Variants in SHB observed in about 807,000 individuals in gnomAD.
The protein encoded by SHB is SH2 domain-containing adapter protein B.
SHB carries 20 observed loss-of-function variants against 52.3 expected under a neutral mutation model. The observed-to-expected ratio is 0.38, with a 90% CI of 0.27 to 0.56. SHB has a LOEUF of 0.56. Ranked by LOEUF, SHB falls within the 20% of genes least tolerant of loss-of-function variation. The pLI is 0.71. For synonymous variants in SHB, 397 were observed against 316.5 expected (o/e 1.25, Z -2.70); for missense variants, 825 against 723.3 (o/e 1.14, Z -1.61).
chr9:37,987,930 C>T (rs1378929104), intron 2 of SHB, among the ~76,000 whole-genome samples: 1 of 152,096 alleles, frequency 6.6e-6, no homozygotes, highest in Non-Finnish European at 1.5e-5. Flanking sequence ...GGACCTTCCC[C>T]TCTACCTATA....
rs200170512 is a variant in SHB at position 38,068,388 on chromosome 9, C to T, written c.258G>A (p.Ala86=). Residue 86 remains alanine, a synonymous_variant, in exon 1 of 6, where the codon GCG becomes GCA. Coordinates refer to ENST00000377707, the MANE Select transcript of SHB (RefSeq NM_003028.3). ...GGTCCTCGAAGTCTCGCTCCTTCTGCGCGCGGTAGGCGCGGATGAGGTCGC... is the reference window on the plus strand; with the variant it reads ...GGTCCTCGAAGTCTCGCTCCTTCTGTGCGCGGTAGGCGCGGATGAGGTCGC... ...STSDLIRAYR[A]QKERDFEDPY... 2.5e-6 allele frequency: 4 copies of T among 1,575,848 alleles called. No homozygotes were observed. Among genetic ancestry groups the T allele is most frequent in the South Asian group, 2.3e-5 (2 of 86,194 alleles).
chr9:38,001,671 G>A (rs749218633), intron 2 of SHB, among the ~76,000 whole-genome samples: 3 of 152,260 alleles, frequency 2.0e-5, no homozygotes, highest in Non-Finnish European at 2.9e-5. Context: ...GGACACTGAG[G>A]CACAAGCAGC....
At chr9:37,951,910 T>A (rs942095062) in intron 4 of SHB, among the ~76,000 whole-genome samples, 2 of 152,180 alleles carry the variant, frequency 1.3e-5, no homozygotes, top group African/African-American at 4.8e-5. Context: ...TGTGGGGGGC[T>A]ACAGCCAACT....
chr9:37,972,231 A>G (rs977431360), intron 3 of SHB, among the ~76,000 whole-genome samples: 1 of 152,160 alleles, frequency 6.6e-6, no homozygotes, highest in Admixed American at 6.5e-5. Flanking sequence ...CCCTTTAATC[A>G]AACTGGTGTT....
intron 5 of SHB, among the ~76,000 whole-genome samples, chr9:37,924,841 A>G (rs1471015760): frequency 1.3e-5 from 2 of 152,202 alleles, no homozygotes; most frequent in Admixed American, 6.5e-5. Flanking sequence ...CTCATGGGAC[A>G]TGGTAGGGCT....
intron 2 of SHB, among the ~76,000 whole-genome samples, chr9:37,998,607 C>T (rs981283964): frequency 6.6e-6 from 1 of 152,200 alleles, no homozygotes; most frequent in Non-Finnish European, 1.5e-5. Context: ...CACACGCCAC[C>T]ACGCCCAGCT....
chr9:37,936,879 C>T (rs1256066987), intron 5 of SHB: 1 of 152,176 alleles, frequency 6.6e-6, no homozygotes, highest in African/African-American at 2.4e-5. Flanking sequence ...CAAGTTGGGA[C>T]CTTAGGGAGG....
chr9:38,007,489 C>T (rs557749309), intron 2 of SHB, among the ~76,000 whole-genome samples: 16 of 152,218 alleles, frequency 1.1e-4, no homozygotes, highest in African/African-American at 2.2e-4. Flanking sequence ...CCCACCCTGA[C>T]GCCAAGGCAG....
At chr9:37,971,320 G>A (rs1295407382) in intron 3 of SHB, among the ~76,000 whole-genome samples, 1 of 152,146 alleles carries the variant, frequency 6.6e-6, no homozygotes, top group Non-Finnish European at 1.5e-5. Context: ...TTACACATGG[G>A]GCTGTGGCAA....
At chr9:37,936,434 A>G (rs1383666209) in intron 5 of SHB, among the ~76,000 whole-genome samples, 1 of 152,166 alleles carries the variant, frequency 6.6e-6, no homozygotes, top group African/African-American at 2.4e-5. Flanking sequence ...TGACCTTTGC[A>G]ATCTGATTTT....
At chr9:37,923,665 C>T (rs761061580) in intron 5 of SHB, among the ~76,000 whole-genome samples, 1 of 152,176 alleles carries the variant, frequency 6.6e-6, no homozygotes, top group Admixed American at 6.5e-5. Context: ...AAAGGAGACG[C>T]GAGCATGAGC....
chr9:37,920,960 C>T (rs961262506), intron 5 of SHB, among the ~76,000 whole-genome samples: 2 of 152,126 alleles, frequency 1.3e-5, no homozygotes, highest in African/African-American at 2.4e-5. Context: ...CATCAGCTCA[C>T]GAGGGCCAAA....
intron 2 of SHB, among the ~76,000 whole-genome samples, chr9:38,000,184 T>C (rs1016905564): frequency 6.6e-6 from 1 of 152,214 alleles, no homozygotes; most frequent in South Asian, 2.1e-4. Context: ...TCAGCGAGAA[T>C]TGCTGCTGCT....
intron 1 of SHB, among the ~76,000 whole-genome samples, chr9:38,022,200 A>G (rs1276940561): frequency 6.6e-6 from 1 of 152,172 alleles, no homozygotes; most frequent in Non-Finnish European, 1.5e-5. Flanking sequence ...CACATTACAT[A>G]CACCCACAGA....
At chr9:37,949,265 C>T (rs12555939) in intron 4 of SHB, among the ~76,000 whole-genome samples, 23,870 of 151,502 alleles carry the variant, frequency 0.16, 2,147 homozygotes, top group East Asian at 0.34. Flanking sequence ...TGGTGGTGGG[C>T]GCCTGTAATC....
chr9:38,036,798 T>G (rs974427628), intron 1 of SHB, among the ~76,000 whole-genome samples: 2 of 152,222 alleles, frequency 1.3e-5, no homozygotes, highest in African/African-American at 2.4e-5. Flanking sequence ...TGCTCAGTTC[T>G]TTTAATACAA....
chr9:37,955,634 T>C (rs576986289), intron 4 of SHB, among the ~76,000 whole-genome samples: 1 of 147,006 alleles, frequency 6.8e-6, no homozygotes, highest in African/African-American at 2.5e-5. Flanking sequence ...CATGCCATCA[T>C]ACCTGGTTAA....
Position 37,926,505 on chromosome 9 carries a change from A to G in SHB, c.1347-6501T>C, listed in dbSNP as rs186903358. ...GGGCCTACAGATTCCAGGTGGGGAA[A>G]CAGAGTCAGAGGGCTCAAGTGACTG... is the stretch of plus-strand genomic sequence containing the variant. On this transcript the variant is annotated intron_variant, in intron 5 of 5. Transcript: ENST00000377707. Among the ~76,000 whole-genome samples the G allele has an allele frequency of 1.9e-3, 285 of 152,296 alleles. 1 individual carries two copies. Among genetic ancestry groups the G allele is most frequent in the Non-Finnish European group, 2.0e-3 (139 of 68,018 alleles).
At chr9:37,972,413 G>A (rs1757495883) in intron 3 of SHB, among the ~76,000 whole-genome samples, 1 of 152,186 alleles carries the variant, frequency 6.6e-6, no homozygotes, top group Non-Finnish European at 1.5e-5. Flanking sequence ...ACAGCCACAG[G>A]ATGACTCTTA....
Sources: allele counts gnomAD v4.1 joint callset (sites outside exome capture counted in the v4.1 genomes callset), GRCh38; gene constraint gnomAD v4.1.1; transcripts MANE v1.5; gene names NCBI Gene and HGNC (gene_info 2026-07-23, HGNC 2026-07-21).